FBF1: variants seen among roughly 807,000 people sequenced by gnomAD.
FBF1 encodes the protein Fas binding factor 1.
Under a neutral mutation model 147.2 loss-of-function variants are expected in FBF1, and 119 were observed. The observed-to-expected ratio is 0.81, with a 90% CI of 0.70 to 0.94. The LOEUF (loss-of-function observed/expected upper bound fraction) is 0.94. Among genes scored for constraint, FBF1 ranks in the 40% least tolerant of loss-of-function variants. The probability of loss-of-function intolerance (pLI) is 0.00; values close to 1 mark genes in which losing one functional copy is unlikely to be tolerated. For synonymous variants in FBF1, 601 were observed against 609.0 expected (o/e 0.99, Z 0.19); for missense variants, 1,449 against 1,500.8 (o/e 0.97, Z 0.57).
chr17:75,926,334 C>T lies in FBF1; in HGVS notation c.688G>A (p.Gly230Arg), dbSNP rs1320855851. 6.2e-7 allele frequency: 1 copy of T among 1,613,292 alleles called. No individual in the cohort carries two copies. The highest frequency in any genetic ancestry group is 8.5e-7 in the Non-Finnish European group (1 of 1,179,662). ...DDGDDIMATL[G>R]FGDSPKAEKR... ...TCTGCTTTGGGGCTGTCTCCAAACCCCAAGGTGGCCATGATGTCATCCCCA... is the reference window on the plus strand; with the variant it reads ...TCTGCTTTGGGGCTGTCTCCAAACCTCAAGGTGGCCATGATGTCATCCCCA... The change falls in exon 11 of 30, where the codon GGG becomes AGG. Residue 230 changes from glycine (G) to arginine (R), a missense_variant. Transcript: ENST00000636174.
At chr17:75,912,077 C>T (rs2065459482) in intron 29 of FBF1, 115 bp downstream of exon 29, 4 of 989,042 alleles carry the variant, frequency 4.0e-6, no homozygotes, top group Non-Finnish European at 4.6e-6. Flanking sequence ...TGCAGTTTTA[C>T]TCCCCAGGAG....
chr17:75,923,174 C>T lies in FBF1; in HGVS notation c.1424+12G>A, dbSNP rs2065538667. The T allele has an allele frequency of 1.9e-6, 3 of 1,562,372 alleles. No homozygotes were observed. The highest frequency in any genetic ancestry group is 2.6e-6 in the Non-Finnish European group (3 of 1,153,974). Reference sequence around the variant, plus strand: ...TCCTCCCCCTACTAGCCACAGCAGCCTAAGTCAGTACCTGCCAGAAGGGGG... The same window carrying T: ...TCCTCCCCCTACTAGCCACAGCAGCTTAAGTCAGTACCTGCCAGAAGGGGG... On this transcript the variant is annotated intron_variant, in intron 14 of 29. Transcript: ENST00000636174. The surrounding 1 kb of genome is among the most constrained non-coding windows in gnomAD (Gnocchi z 4.1).
In FBF1 at chr17:75,938,166, G is replaced by C. The variant is rs1179363100; in HGVS notation, c.-17C>G. 6.2e-7 allele frequency: 1 copy of C among 1,613,454 alleles called. No homozygotes were observed. On this transcript the variant is annotated 5_prime_UTR_variant, in exon 2 of 30. Coordinates refer to ENST00000636174, the MANE Select transcript of FBF1 (RefSeq NM_001319193.2). ...GCCTACCATCTCACGGCTCTCGGGG[G>C]TGCTCTCAGCTCCTTCACAGCACTG... is the stretch of plus-strand genomic sequence containing the variant.
At position 75,914,862 on chromosome 17, in the gene FBF1, T is replaced by A; in HGVS notation, c.2699A>T (p.Glu900Val). Reference protein sequence around the residue: ...CGEERRRLAAEWAEFSAQQKL... With the variant: ...CGEERRRLAAVWAEFSAQQKL... ...TTGCTGCGCGGAGAACTCCGCCCAC[T>A]CGGCAGCCAGGCGCCGCCGCTCCTC... The change falls in exon 25 of 30, where the codon GAG becomes GTG. Residue 900 changes from glutamate (E) to valine (V), a missense_variant. Physicochemically the swap from Glu to Val is moderately radical, Grantham distance 121. Coordinates refer to ENST00000636174, the MANE Select transcript of FBF1 (RefSeq NM_001319193.2). The A allele has an allele frequency of 1.3e-6, 2 of 1,536,246 alleles. No individual in the cohort carries two copies. The highest frequency in any genetic ancestry group is 3.5e-5 in the Admixed American group (2 of 57,302).
At chr17:75,916,457 T>C (rs557754231) in intron 23 of FBF1, among the ~76,000 whole-genome samples, 1 of 151,890 alleles carries the variant, frequency 6.6e-6, no homozygotes, top group East Asian at 1.9e-4. Flanking sequence ...CACATCTCAG[T>C]AAAAAATACA....
At chr17:75,940,572 G>C (rs2608881) in intron 1 of FBF1, 36,966 of 153,118 alleles carry the variant, frequency 0.24, 4,604 homozygotes, top group Middle Eastern at 0.29. Context: ...CTTTTTCTCT[G>C]CAATGGCGAC....
chr17:75,924,195 C>A (rs761067992), intron 13 of FBF1, among the ~76,000 whole-genome samples: 6 of 151,612 alleles, frequency 4.0e-5, no homozygotes, highest in Non-Finnish European at 8.8e-5. Context: ...GCCTGGGCGA[C>A]AGAGTGAGAC....
chr17:75,932,731 C>T (rs1407475368), intron 5 of FBF1, among the ~76,000 whole-genome samples: 2 of 151,984 alleles, frequency 1.3e-5, no homozygotes, highest in Non-Finnish European at 2.9e-5. Flanking sequence ...ACTAAAAATA[C>T]AAAAATTAGC....
intron 9 of FBF1, among the ~76,000 whole-genome samples, chr17:75,927,123 C>T (rs1463366992): frequency 2.6e-5 from 4 of 152,180 alleles, no homozygotes; most frequent in African/African-American, 9.7e-5. Flanking sequence ...GCCGGTGGGG[C>T]CTCTGACTCT....
Position 75,914,114 on chromosome 17 carries a change from A to G in FBF1, c.2991+8T>C. ...AGATGCGCCCACGCCCATGTGCCCG[A>G]GCAGCACCTTGCTCATGCTCTCCAC... On this transcript the variant is annotated splice_region_variant and intron_variant, in intron 26 of 29. Transcript: ENST00000636174. 6.3e-7 allele frequency: 1 copy of G among 1,598,534 alleles called. No individual in the cohort carries two copies.
In FBF1 at chr17:75,919,857, AG is replaced by A. The variant is rs760627898; in HGVS notation, c.1948del (p.Leu650Ter). 2 of 1,613,658 alleles carry A rather than the reference AG, an allele frequency of 1.2e-6. No homozygotes were observed. The highest frequency in any genetic ancestry group is 2.7e-5 in the African/African-American group (2 of 74,936). ...ESAHRSRIKV[L>X]ETSYQQREER... is the part of the protein sequence containing the mutation. The stretch of plus-strand genomic sequence containing the variant: ...CTCCCGTTGCTGGTACGATGTTTCT[AG>A]CACCTTGATGCGGCTTCTGCCAACA... On this transcript the variant is annotated frameshift_variant, in exon 20 of 30. Transcript: ENST00000636174. LOFTEE classifies it high-confidence loss of function. The surrounding 1 kb of genome is among the most constrained non-coding windows in gnomAD (Gnocchi z 5.0).
At chr17:75,912,437 CACTA>C in intron 28 of FBF1, 130 bp from the exon 29 acceptor site, 1 of 617,132 alleles carries the variant, frequency 1.6e-6, no homozygotes, top group Non-Finnish European at 2.8e-6. Context: ...GGTGCAATGG[CACTA>C]ACTCTCAGAA....
At chr17:75,932,925 G>T (rs559600279) in intron 5 of FBF1, 70 bp downstream of exon 5, 24 of 1,007,162 alleles carry the variant, frequency 2.4e-5, no homozygotes, top group African/African-American at 1.9e-4. Context: ...AGTAGAAAGT[G>T]GGGGGTGGAG....
At chr17:75,934,350 C>G (rs551757127) in intron 4 of FBF1, among the ~76,000 whole-genome samples, 36 of 151,984 alleles carry the variant, frequency 2.4e-4, no homozygotes, top group African/African-American at 8.4e-4. Flanking sequence ...TGTTTGAGGC[C>G]AGGAGTTCAA....
intron 18 of FBF1, 68 bp downstream of exon 18, chr17:75,920,206 C>T (rs2065516549): frequency 6.3e-7 from 1 of 1,591,104 alleles, no homozygotes; most frequent in Non-Finnish European, 8.6e-7. Context: ...GGGAAGCTTC[C>T]AGCCACTCTC....
chr17:75,935,749 C>CG lies in FBF1; in HGVS notation c.32-77dup, dbSNP rs1395159270. On this transcript the variant is annotated intron_variant, in intron 3 of 29. Transcript: ENST00000636174. ...CTTATAAACATCAAGGCTTGAGACT[C>CG]GCCAGAAGGCGTCAGACCTTTCAGA... 2.2e-6 allele frequency: 3 copies of CG among 1,388,510 alleles called. No individual in the cohort carries two copies. In the East Asian group the frequency reaches 7.6e-5, roughly 35 times the overall value. The allele number at this position is 1,388,510 out of a possible 1,614,324, so 86.0% of individuals were successfully genotyped here.
chr17:75,919,946 C>G lies in FBF1; in HGVS notation c.1931+61G>C. On this transcript the variant is annotated intron_variant, in intron 19 of 29. Transcript: ENST00000636174. This position sits in a 1 kb window ranked among gnomAD's most constrained non-coding sequence, Gnocchi z 5.0. Reference sequence around the variant, plus strand: ...CCGCCTAAAGGCCTCTCCAGGCACACTGGGTGGCCTTTGGGGTCAGTGTGA... The same window carrying G: ...CCGCCTAAAGGCCTCTCCAGGCACAGTGGGTGGCCTTTGGGGTCAGTGTGA... 1 of 1,610,496 alleles carries G rather than the reference C, an allele frequency of 6.2e-7. No homozygotes were observed. Among genetic ancestry groups the G allele is most frequent in the Non-Finnish European group, 8.5e-7 (1 of 1,177,488 alleles).
intron 5 of FBF1, among the ~76,000 whole-genome samples, chr17:75,931,576 G>A (rs758017804): frequency 2.6e-5 from 4 of 152,100 alleles, no homozygotes; most frequent in Non-Finnish European, 5.9e-5. Flanking sequence ...TTGAGGTCAG[G>A]AGTTTGGGAC....
In FBF1 at chr17:75,923,814, C is replaced by T. The variant is rs546717084; in HGVS notation, c.969-173G>A. On this transcript the variant is annotated intron_variant, in intron 13 of 29. Coordinates refer to ENST00000636174, the MANE Select transcript of FBF1 (RefSeq NM_001319193.2). The surrounding 1 kb of genome is among the most constrained non-coding windows in gnomAD (Gnocchi z 4.1). Reference sequence around the variant, plus strand: ...GGCAGGCCACGTGCTGTCTGTAGAACACCACGAAGTACAGAGACCTTGACT... The same window carrying T: ...GGCAGGCCACGTGCTGTCTGTAGAATACCACGAAGTACAGAGACCTTGACT... 5.4e-4 allele frequency among the ~76,000 whole-genome samples: 82 copies of T among 152,302 alleles called. No individual in the cohort carries two copies. Among genetic ancestry groups the T allele is most frequent in the Admixed American group, 1.4e-3 (22 of 15,304 alleles).
Sources: allele counts gnomAD v4.1 joint callset (sites outside exome capture counted in the v4.1 genomes callset), GRCh38; gene constraint gnomAD v4.1.1; non-coding constraint Gnocchi (gnomAD v3.1); transcripts MANE v1.5; gene names NCBI Gene and HGNC (gene_info 2026-07-23, HGNC 2026-07-21).